YJU2: variants seen among roughly 807,000 people sequenced by gnomAD.
YJU2 encodes YJU2 splicing factor homolog.
A neutral mutation model predicts 39.6 loss-of-function variants in YJU2; 28 were observed. The ratio of observed to expected loss-of-function variants is 0.71; its 90% CI spans 0.52 to 0.97. The LOEUF (loss-of-function observed/expected upper bound fraction) is 0.97. Among genes scored for constraint, YJU2 ranks in the 50% least tolerant of loss-of-function variants. The pLI, the probability that YJU2 is intolerant of heterozygous loss-of-function variation, is 0.00. For synonymous variants in YJU2, 184 were observed against 182.4 expected (o/e 1.01, Z -0.07); for missense variants, 328 against 430.4 (o/e 0.76, Z 2.11).
At chr19:4,258,839 G>A (rs563844282) in intron 5 of YJU2, among the ~76,000 whole-genome samples, 1 of 152,170 alleles carries the variant, frequency 6.6e-6, no homozygotes, top group South Asian at 2.1e-4. Context: ...GTTCCTATGG[G>A]GCCTGGTCCC....
rs891974744 is a variant in YJU2, at chr19:4,268,940, G to A, written c.*244G>A. The A allele has an allele frequency of 2.0e-5, 11 of 539,648 alleles. No homozygotes were observed. The Admixed American group carries it at 2.2e-4, about 11-fold the overall frequency. The allele number at this position is 539,648 out of a possible 1,614,324, so 33.4% of individuals were successfully genotyped here. Reference sequence around the variant, plus strand: ...GCTGCTCCTGCCCCCACCTGTCACTGTGCTTAGGGCTGCAACATCCCTGGA... The same window carrying A: ...GCTGCTCCTGCCCCCACCTGTCACTATGCTTAGGGCTGCAACATCCCTGGA... On this transcript the variant is annotated 3_prime_UTR_variant, in exon 8 of 8. Transcript: ENST00000262962.
chr19:4,267,510 G>A (rs1266521038), intron 6 of YJU2, 114 bp from the exon 7 acceptor site: 2 of 1,113,474 alleles, frequency 1.8e-6, no homozygotes, highest in Non-Finnish European at 2.6e-6. Context: ...GAGGAATGTG[G>A]TCAGTGCAGC....
intron 7 of YJU2, among the ~76,000 whole-genome samples, chr19:4,268,288 G>A (rs775223215): frequency 3.9e-5 from 6 of 152,226 alleles, no homozygotes; most frequent in Admixed American, 1.3e-4. Context: ...TTCCTAAGGC[G>A]ATTAAGTCCA....
chr19:4,267,746 C>T lies in YJU2; in HGVS notation c.831C>T (p.Asn277=), dbSNP rs373442860. ...CAAAGGCCGACCCGGACTGCAGCAA[C>T]GGGCAGCCTCAGGCGGCCCCCACCC... The part of the protein sequence containing the change: ...KKAKADPDCS[N]GQPQAAPTPG... The change falls in exon 7 of 8, where the codon AAC becomes AAT. Residue 277 remains asparagine (N), a synonymous_variant. Coordinates refer to ENST00000262962, the MANE Select transcript of YJU2 (RefSeq NM_018074.6). 360 of 1,612,650 alleles carry T rather than the reference C, an allele frequency of 2.2e-4. 6 individuals are homozygous for T. Among genetic ancestry groups the T allele is most frequent in the East Asian group, 1.6e-3 (70 of 44,848 alleles).
intron 4 of YJU2, among the ~76,000 whole-genome samples, chr19:4,256,169 C>CAAAA (rs368146793): frequency 6.5e-4 from 77 of 117,774 alleles, no homozygotes; most frequent in Admixed American, 1.2e-3. Flanking sequence ...AAGACTGTCG[C>CAAAA]AAAAAAAAAA....
At chr19:4,258,520 C>T (rs368574958) in intron 5 of YJU2, 97 bp downstream of exon 5, 50 of 1,463,880 alleles carry the variant, frequency 3.4e-5, no homozygotes, top group East Asian at 3.2e-4. Context: ...TCTGGAGTGT[C>T]GCCTTTGCAA....
intron 5 of YJU2, among the ~76,000 whole-genome samples, chr19:4,261,710 A>T (rs538070682): frequency 1.3e-5 from 2 of 151,452 alleles, no homozygotes; most frequent in Admixed American, 1.3e-4. Context: ...ACGCCTGTGG[A>T]CCCAGCTACT....
At chr19:4,260,880 A>G (rs1021984967) in intron 5 of YJU2, among the ~76,000 whole-genome samples, 12 of 152,164 alleles carry the variant, frequency 7.9e-5, no homozygotes, top group Non-Finnish European at 1.2e-4. Flanking sequence ...AAGGAGACCA[A>G]TACCCAGGAC....
intron 5 of YJU2, among the ~76,000 whole-genome samples, chr19:4,261,389 G>T (rs1173787493): frequency 1.3e-5 from 2 of 152,154 alleles, no homozygotes. Flanking sequence ...TGCTCGGTAG[G>T]CTGAGGCTGG....
At chr19:4,250,938 G>C (rs1489927121) in intron 2 of YJU2, 89 bp from the exon 3 acceptor site, 2 of 1,456,466 alleles carry the variant, frequency 1.4e-6, no homozygotes, top group Non-Finnish European at 1.9e-6. Context: ...AGGCAAGCAA[G>C]CAGTGATCTT....
chr19:4,255,056 C>CAA (rs33989575), intron 4 of YJU2, among the ~76,000 whole-genome samples: 4,531 of 95,792 alleles, frequency 0.047, 402 homozygotes, highest in African/African-American at 0.16. Flanking sequence ...ATTCTGTCTC[C>CAA]AAAAAAAAAA....
At chr19:4,252,022 T>C (rs1970981283) in intron 3 of YJU2, among the ~76,000 whole-genome samples, 1 of 152,100 alleles carries the variant, frequency 6.6e-6, no homozygotes, top group Middle Eastern at 3.2e-3. Context: ...AATGGAATAT[T>C]ACACAGCCAA....
At chr19:4,251,950 G>T (rs1406111565) in intron 3 of YJU2, among the ~76,000 whole-genome samples, 2 of 151,936 alleles carry the variant, frequency 1.3e-5, no homozygotes, top group Admixed American at 1.3e-4. Flanking sequence ...TTGCGCCATT[G>T]CACTCCAGCC....
At chr19:4,248,173 G>C (rs566938966) in intron 1 of YJU2, 6 of 152,254 alleles carry the variant, frequency 3.9e-5, no homozygotes, top group Admixed American at 3.9e-4. Context: ...CCGGCCCCAC[G>C]CAGGTCTTTC....
intron 5 of YJU2, among the ~76,000 whole-genome samples, chr19:4,259,451 C>T (rs1334095119): frequency 6.6e-6 from 1 of 152,118 alleles, no homozygotes; most frequent in African/African-American, 2.4e-5. Flanking sequence ...GCAGTCATAG[C>T]TCACTGTAGC....
At chr19:4,265,787 C>T (rs543019555) in intron 6 of YJU2, among the ~76,000 whole-genome samples, 6 of 150,194 alleles carry the variant, frequency 4.0e-5, no homozygotes, top group South Asian at 2.1e-4. Flanking sequence ...AATAAAGAGA[C>T]GGGGTTTCAC....
At chr19:4,259,679 G>C (rs2144695746) in intron 5 of YJU2, among the ~76,000 whole-genome samples, 1 of 152,172 alleles carries the variant, frequency 6.6e-6, no homozygotes, top group Admixed American at 6.6e-5. Flanking sequence ...GTGGTTGGCT[G>C]GTGAATGCCT....
At chr19:4,247,433 G>A (rs955534017) in intron 1 of YJU2, 5 of 377,802 alleles carry the variant, frequency 1.3e-5, no homozygotes, top group African/African-American at 4.6e-5. Flanking sequence ...ATCACCACCA[G>A]ATAGGGTTTT....
intron 5 of YJU2, among the ~76,000 whole-genome samples, chr19:4,260,454 TA>T (rs1420328348): frequency 6.7e-6 from 1 of 148,436 alleles, no homozygotes; most frequent in Non-Finnish European, 1.5e-5. Flanking sequence ...AAAAGTAGAC[TA>T]GGTGCGGTCG....
Sources: gnomAD v4.1 joint callset for allele counts (sites outside exome capture counted in the v4.1 genomes callset) on GRCh38, gnomAD v4.1.1 for gene constraint, MANE v1.5 for transcripts, NCBI Gene and HGNC (gene_info 2026-07-23, HGNC 2026-07-21) for gene names.